The following BAZ1A variants were observed in gnomAD, a reference collection of about 807,000 sequenced individuals.
The protein encoded by BAZ1A is bromodomain adjacent to zinc finger domain 1A.
A neutral mutation model predicts 185.2 loss-of-function variants in BAZ1A; 50 were observed. The ratio of observed to expected loss-of-function variants is 0.27; its 90% confidence interval spans 0.22 to 0.34. The LOEUF is 0.34. Ranked by LOEUF, BAZ1A falls within the 10% of genes least tolerant of loss-of-function variation. The pLI, the probability that BAZ1A is intolerant of heterozygous loss-of-function variation, is 1.00. For missense variants in BAZ1A, 1,356 were observed against 1,839.9 expected (o/e 0.74, Z 4.81); for synonymous variants, 571 against 615.6 (o/e 0.93, Z 1.07).
At chr14:34,831,462 TG>T (rs2042241504) in intron 3 of BAZ1A, among the ~76,000 whole-genome samples, 2 of 152,070 alleles carry the variant, frequency 1.3e-5, no homozygotes, top group African/African-American at 4.8e-5. Context: ...CAGTGAAAGG[TG>T]GTAAAATCTG....
intron 2 of BAZ1A, among the ~76,000 whole-genome samples, chr14:34,863,234 G>A (rs1304812559): frequency 7.3e-6 from 1 of 137,322 alleles, no homozygotes; most frequent in African/African-American, 2.8e-5. Context: ...GCGCGATCTC[G>A]GCTCACCACA....
chr14:34,781,270 T>C (rs1275707862), intron 16 of BAZ1A, among the ~76,000 whole-genome samples: 1 of 152,202 alleles, frequency 6.6e-6, no homozygotes, highest in Non-Finnish European at 1.5e-5. Context: ...TGAGCTTACA[T>C]ACCATAACAA....
chr14:34,850,850 C>T (rs1271234611), intron 3 of BAZ1A, among the ~76,000 whole-genome samples: 1 of 152,006 alleles, frequency 6.6e-6, no homozygotes, highest in Non-Finnish European at 1.5e-5. Flanking sequence ...AAGATATCTA[C>T]GTTTTGACAG....
chr14:34,859,054 T>G (rs1409901840), intron 3 of BAZ1A, among the ~76,000 whole-genome samples: 2 of 152,198 alleles, frequency 1.3e-5, no homozygotes, highest in Non-Finnish European at 2.9e-5. Flanking sequence ...ATATGACTAC[T>G]GTATAGCAGC....
chr14:34,856,486 C>T (rs768192460), intron 3 of BAZ1A, among the ~76,000 whole-genome samples: 2 of 151,922 alleles, frequency 1.3e-5, no homozygotes, highest in African/African-American at 2.4e-5. Flanking sequence ...AGGGTCTCAC[C>T]GTGTTGCCTA....
intron 2 of BAZ1A, among the ~76,000 whole-genome samples, chr14:34,865,859 A>C (rs958251888): frequency 6.6e-6 from 1 of 152,202 alleles, no homozygotes; most frequent in Non-Finnish European, 1.5e-5. Flanking sequence ...TTTTAAAAAT[A>C]CTATTAGAAC....
At chr14:34,830,598 T>G (rs2042227041) in intron 3 of BAZ1A, among the ~76,000 whole-genome samples, 1 of 152,098 alleles carries the variant, frequency 6.6e-6, no homozygotes, top group Non-Finnish European at 1.5e-5. Flanking sequence ...TTCTGAGATT[T>G]TGAAAATGTT....
chr14:34,762,807 A>G (rs1886580792), intron 23 of BAZ1A, among the ~76,000 whole-genome samples: 1 of 152,222 alleles, frequency 6.6e-6, no homozygotes, highest in Admixed American at 6.5e-5. Flanking sequence ...CATTATGAAA[A>G]TTAAGTCCTA....
At chr14:34,851,595 T>C (rs1470059278) in intron 3 of BAZ1A, among the ~76,000 whole-genome samples, 2 of 151,982 alleles carry the variant, frequency 1.3e-5, no homozygotes, top group Non-Finnish European at 2.9e-5. Context: ...CATCCAAGTA[T>C]TTGAGTTCCA....
At chr14:34,835,898 C>T (rs893576163) in intron 3 of BAZ1A, among the ~76,000 whole-genome samples, 3 of 151,326 alleles carry the variant, frequency 2.0e-5, no homozygotes, top group Non-Finnish European at 2.9e-5. Flanking sequence ...CTTGAACTCC[C>T]GACCTCAGGT....
At chr14:34,827,476 C>T (rs774573399) in intron 3 of BAZ1A, among the ~76,000 whole-genome samples, 1 of 152,214 alleles carries the variant, frequency 6.6e-6, no homozygotes, top group Non-Finnish European at 1.5e-5. Context: ...TGGCTCACGC[C>T]TGTAATCCCA....
At chr14:34,758,886 A>C (rs759933126) in intron 24 of BAZ1A, 40 bp from the exon 25 acceptor site, 3 of 1,602,364 alleles carry the variant, frequency 1.9e-6, no homozygotes, top group Non-Finnish European at 2.6e-6. Flanking sequence ...ATAACAAAGC[A>C]AAATATTGGT....
intron 4 of BAZ1A, among the ~76,000 whole-genome samples, chr14:34,823,332 C>T (rs1213369572): frequency 2.7e-5 from 4 of 150,766 alleles, no homozygotes; most frequent in East Asian, 2.0e-4. Context: ...CCAGCCTGGG[C>T]GACAGAGTGA....
At position 34,874,969 on chromosome 14, in the gene BAZ1A, G is replaced by T. The variant is rs1170661121; in HGVS notation, c.-59+169C>A. The stretch of plus-strand genomic sequence containing the variant: ...CCCCCTCCCCCAGCGCCGGCTCCTC[G>T]CCCGCCGCCGCCGCCAGGCTCACAA... On this transcript the variant is annotated intron_variant, in intron 1 of 26. Coordinates refer to ENST00000360310, the MANE Select transcript of BAZ1A (RefSeq NM_013448.3). The surrounding 1 kb of genome is among the most constrained non-coding windows in gnomAD (Gnocchi z 4.7). 1 of 149,576 alleles carries T rather than the reference G, an allele frequency of 6.7e-6. No homozygotes were observed. The highest frequency in any genetic ancestry group is 1.5e-5 in the Non-Finnish European group (1 of 67,506). The allele number at this position is 149,576 out of a possible 1,614,324, so 9.3% of individuals were successfully genotyped here. A position where few individuals can be genotyped will look rare whatever the true frequency, so the allele number is the denominator to read the frequency against.
chr14:34,796,241 A>G (rs1881193256), intron 9 of BAZ1A, among the ~76,000 whole-genome samples: 1 of 151,886 alleles, frequency 6.6e-6, no homozygotes, highest in Non-Finnish European at 1.5e-5. Flanking sequence ...CCAGCTACTC[A>G]GGAGGCTGAG....
At chr14:34,778,471 T>C (rs1218661953) in intron 17 of BAZ1A, among the ~76,000 whole-genome samples, 2 of 152,220 alleles carry the variant, frequency 1.3e-5, no homozygotes, top group African/African-American at 4.8e-5. Flanking sequence ...TTGTGTAAGA[T>C]TGGAATTATC....
chr14:34,775,203 C>CA (rs1879510211), intron 18 of BAZ1A, among the ~76,000 whole-genome samples: 1 of 150,146 alleles, frequency 6.7e-6, no homozygotes, highest in East Asian at 1.9e-4. Flanking sequence ...CTGTCTCAAA[C>CA]AAAAAACAAA....
Position 34,772,405 on chromosome 14 carries a change from C to G in BAZ1A, c.3153-746G>C, listed in dbSNP as rs551001870. Among the ~76,000 whole-genome samples, 3 of 152,260 alleles carry G rather than the reference C, an allele frequency of 2.0e-5. No individual in the cohort carries two copies. In the East Asian group the frequency reaches 5.8e-4, roughly 29 times the overall value. On this transcript the variant is annotated intron_variant, in intron 20 of 26. Transcript: ENST00000360310. ...TACTATCTCCCATGTTCTACTAAGACAAGTAGCCCGCCCATGTACTTCATC... is the reference window on the plus strand; with the variant it reads ...TACTATCTCCCATGTTCTACTAAGAGAAGTAGCCCGCCCATGTACTTCATC...
chr14:34,783,279 A>AT, intron 15 of BAZ1A, 47 bp from the exon 16 acceptor site: 1 of 1,147,238 alleles, frequency 8.7e-7, no homozygotes, highest in East Asian at 2.4e-5. Flanking sequence ...GCACATATAC[A>AT]TTTCACTTTT....
Sources: gnomAD v4.1 joint callset for allele counts (sites outside exome capture counted in the v4.1 genomes callset) on GRCh38, gnomAD v4.1.1 for gene constraint, Gnocchi (gnomAD v3.1) non-coding constraint, MANE v1.5 for transcripts, NCBI Gene and HGNC (gene_info 2026-07-23, HGNC 2026-07-21) for gene names.